The following CLYBL variants were observed in gnomAD, a reference collection of about 807,000 sequenced individuals.
CLYBL encodes citramalyl-CoA lyase, mitochondrial.
A neutral mutation model predicts 38.9 loss-of-function variants in CLYBL; 31 were observed. That is an observed-to-expected ratio of 0.80 (90% CI 0.60 to 1.08). The LOEUF (loss-of-function observed/expected upper bound fraction) is 1.08, where lower values mean the gene tolerates loss of function less well. CLYBL is among the 50% of genes least tolerant of loss of function. The pLI, the probability that CLYBL is intolerant of heterozygous loss-of-function variation, is 0.00. For synonymous variants in CLYBL, 171 were observed against 158.6 expected (o/e 1.08, Z -0.59); for missense variants, 434 against 411.6 (o/e 1.05, Z -0.47).
chr13:99,607,046 A>G (rs1473761549), intron 1 of CLYBL, among the ~76,000 whole-genome samples: 2 of 152,210 alleles, frequency 1.3e-5, no homozygotes, highest in Non-Finnish European at 1.5e-5. Context: ...CCAAATGGCA[A>G]ACGTGAACGC....
chr13:99,732,290 A>C (rs1176693620), intron 1 of CLYBL, among the ~76,000 whole-genome samples: 2 of 149,744 alleles, frequency 1.3e-5, no homozygotes, highest in East Asian at 3.9e-4. Flanking sequence ...CCAAGCCATC[A>C]GTCTTCCACC....
chr13:99,771,777 A>AAT (rs2049401147), intron 1 of CLYBL, among the ~76,000 whole-genome samples: 1 of 152,196 alleles, frequency 6.6e-6, no homozygotes. Context: ...ATTCTCCATT[A>AAT]ATAACAACAG....
intron 2 of CLYBL, among the ~76,000 whole-genome samples, chr13:99,855,131 CCATTATTCAGT>C (rs35949973): frequency 0.27 from 40,279 of 151,906 alleles, 6,239 homozygotes; most frequent in African/African-American, 0.42. Context: ...GGCCTTAATT[CCATTATTCAGT>C]CATTTCCAGC....
intron 1 of CLYBL, among the ~76,000 whole-genome samples, chr13:99,674,613 C>T (rs1485512272): frequency 4.6e-5 from 7 of 152,154 alleles, no homozygotes; most frequent in East Asian, 3.9e-4. Context: ...AGTCACACCC[C>T]GTTTCCCCAC....
At position 99,887,860 on chromosome 13, in the gene CLYBL, T is replaced by C. The variant is rs1950350373; in HGVS notation, c.928-3458T>C. Among the ~76,000 whole-genome samples, 5 of 151,730 alleles carry C rather than the reference T, an allele frequency of 3.3e-5. No homozygotes were observed. The South Asian group carries it at 1.0e-3, about 32-fold the overall frequency. The stretch of plus-strand genomic sequence containing the variant: ...TACAGAGTTTCAGGGATTTGGGGTT[T>C]TTTTTTTTTTTTTAGGATGGAGTCT... On this transcript the variant is annotated intron_variant, in intron 7 of 8. Transcript: ENST00000339105.
intron 1 of CLYBL, among the ~76,000 whole-genome samples, chr13:99,628,956 G>A (rs2046906464): frequency 6.6e-6 from 1 of 152,208 alleles, no homozygotes; most frequent in African/African-American, 2.4e-5. Context: ...AAAAAAAATT[G>A]ACTATGGTAA....
intron 2 of CLYBL, among the ~76,000 whole-genome samples, chr13:99,817,355 A>G (rs1210214927): frequency 6.6e-6 from 1 of 152,128 alleles, no homozygotes; most frequent in Non-Finnish European, 1.5e-5. Flanking sequence ...TAAGAGAGAG[A>G]AGATGTGAAA....
chr13:99,780,136 A>G (rs1477757414), intron 2 of CLYBL, among the ~76,000 whole-genome samples: 1 of 152,174 alleles, frequency 6.6e-6, no homozygotes, highest in African/African-American at 2.4e-5. Flanking sequence ...GTATATACAC[A>G]TTTAGAATTA....
intron 6 of CLYBL, among the ~76,000 whole-genome samples, chr13:99,867,499 ACCC>A (rs200113173): frequency 2.7e-5 from 4 of 148,646 alleles, no homozygotes; most frequent in East Asian, 2.0e-4. Flanking sequence ...AATAAATATG[ACCC>A]CCCCCAATTT....
At chr13:99,770,936 A>G (rs944856104) in intron 1 of CLYBL, among the ~76,000 whole-genome samples, 2 of 147,658 alleles carry the variant, frequency 1.4e-5, no homozygotes, top group Non-Finnish European at 3.0e-5. Flanking sequence ...TGGCCAGGAT[A>G]GTCTCCATCT....
intron 1 of CLYBL, among the ~76,000 whole-genome samples, chr13:99,732,028 G>A (rs375624453): frequency 6.6e-6 from 1 of 151,910 alleles, no homozygotes; most frequent in African/African-American, 2.4e-5. Flanking sequence ...TTCTGCTGGG[G>A]CTTTGTTTTC....
chr13:99,687,439 A>G (rs911889007), intron 1 of CLYBL, among the ~76,000 whole-genome samples: 1 of 152,240 alleles, frequency 6.6e-6, no homozygotes, highest in Non-Finnish European at 1.5e-5. Context: ...TGGTGAGGAC[A>G]GAAGGGACCC....
chr13:99,800,894 C>CA (rs1389621348), intron 2 of CLYBL, among the ~76,000 whole-genome samples: 2,999 of 114,418 alleles, frequency 0.026, 92 homozygotes, highest in African/African-American at 0.079. Flanking sequence ...ACAACAACAA[C>CA]AAAAAAAAAA....
At chr13:99,617,532 C>T (rs1359166970) in intron 1 of CLYBL, among the ~76,000 whole-genome samples, 1 of 152,114 alleles carries the variant, frequency 6.6e-6, no homozygotes, top group African/African-American at 2.4e-5. Flanking sequence ...AACAGAAAAC[C>T]CCATGCCAAG....
intron 1 of CLYBL, among the ~76,000 whole-genome samples, chr13:99,765,391 T>A (rs80304409): frequency 0.011 from 1,627 of 152,300 alleles, 16 homozygotes; most frequent in East Asian, 0.079. Context: ...CTTGAGGTAG[T>A]CTTATTTGGG....
chr13:99,672,453 C>T (rs972612044), intron 1 of CLYBL, among the ~76,000 whole-genome samples: 3 of 152,030 alleles, frequency 2.0e-5, no homozygotes, highest in Admixed American at 6.6e-5. Context: ...TTTTCTCTGT[C>T]ACCTAGTGTA....
At chr13:99,668,702 C>T (rs1436710153) in intron 1 of CLYBL, among the ~76,000 whole-genome samples, 1 of 152,160 alleles carries the variant, frequency 6.6e-6, no homozygotes, top group Admixed American at 6.5e-5. Context: ...AATCCCCTCC[C>T]TGGGCATGAG....
At chr13:99,813,200 C>T (rs1429583603) in intron 2 of CLYBL, among the ~76,000 whole-genome samples, 1 of 152,080 alleles carries the variant, frequency 6.6e-6, no homozygotes, top group East Asian at 1.9e-4. Flanking sequence ...TGATCCTGAC[C>T]TTAATGGGGG....
chr13:99,774,973 TATCTG>T (rs1297831465), intron 2 of CLYBL, among the ~76,000 whole-genome samples: 2 of 152,212 alleles, frequency 1.3e-5, no homozygotes, highest in African/African-American at 4.8e-5. Context: ...CTCAATTTCT[TATCTG>T]TACTGTAGGG....
Sources: gnomAD v4.1 joint callset for allele counts (sites outside exome capture counted in the v4.1 genomes callset) on GRCh38, gnomAD v4.1.1 for gene constraint, MANE v1.5 for transcripts, NCBI Gene and HGNC (gene_info 2026-07-23, HGNC 2026-07-21) for gene names.